ZRANB3: variants seen among roughly 807,000 people sequenced by gnomAD.
The protein encoded by ZRANB3 is DNA annealing helicase and endonuclease ZRANB3.
Under a neutral mutation model 133.8 loss-of-function variants are expected in ZRANB3, and 125 were observed. That is an observed-to-expected ratio of 0.93 (90% CI 0.81 to 1.08). ZRANB3 has a LOEUF of 1.08. Among genes scored for constraint, ZRANB3 ranks in the 50% least tolerant of loss-of-function variants. The probability of loss-of-function intolerance (pLI) is 0.00; values close to 1 mark genes in which losing one functional copy is unlikely to be tolerated. For synonymous variants in ZRANB3, 387 were observed against 432.7 expected, an observed-to-expected ratio of 0.89 and a Z score of 1.31; for missense variants, 1,229 against 1,275.5, an observed-to-expected ratio of 0.96 and a Z score of 0.56.
intron 2 of ZRANB3, among the ~76,000 whole-genome samples, chr2:135,412,640 G>A (rs1688359724): frequency 6.6e-6 from 1 of 152,022 alleles, no homozygotes; most frequent in Non-Finnish European, 1.5e-5. Flanking sequence ...AAAAGCTAAT[G>A]TGTGAAATAA....
chr2:135,461,194 T>C (rs1455505065), intron 2 of ZRANB3, among the ~76,000 whole-genome samples: 2 of 152,226 alleles, frequency 1.3e-5, no homozygotes, highest in Non-Finnish European at 2.9e-5. Flanking sequence ...GTATACATTA[T>C]TCACATATTA....
chr2:135,261,896 A>T (rs1197933210), intron 12 of ZRANB3, among the ~76,000 whole-genome samples: 1 of 152,188 alleles, frequency 6.6e-6, no homozygotes, highest in Admixed American at 6.5e-5. Context: ...ACAGTAGCTC[A>T]TACCTGTAAT....
At chr2:135,429,375 G>T (rs562113173) in intron 2 of ZRANB3, among the ~76,000 whole-genome samples, 26 of 152,106 alleles carry the variant, frequency 1.7e-4, no homozygotes, top group Non-Finnish European at 2.8e-4. Context: ...AGACACTGGG[G>T]CCTACTTGAG....
intron 2 of ZRANB3, among the ~76,000 whole-genome samples, chr2:135,413,795 C>T (rs1688425576): frequency 6.6e-6 from 1 of 152,018 alleles, no homozygotes; most frequent in South Asian, 2.1e-4. Flanking sequence ...GAGTGGGGGC[C>T]AATATTCAAC....
chr2:135,352,489 G>C (rs1250697372), intron 4 of ZRANB3, among the ~76,000 whole-genome samples: 1 of 151,838 alleles, frequency 6.6e-6, no homozygotes, highest in Non-Finnish European at 1.5e-5. Flanking sequence ...ATAATAATTA[G>C]GATAAGATAG....
At chr2:135,240,149 C>G (rs1695489151) in intron 12 of ZRANB3, among the ~76,000 whole-genome samples, 1 of 151,714 alleles carries the variant, frequency 6.6e-6, no homozygotes, top group South Asian at 2.1e-4. Flanking sequence ...CTAGACCAGC[C>G]TAGGCAACAT....
chr2:135,510,566 T>C, intron 1 of ZRANB3: 1 of 698,422 alleles, frequency 1.4e-6, no homozygotes. Context: ...GGAGCAAGCC[T>C]TCTTCCCACT....
chr2:135,512,100 T>C (rs1315351974), intron 1 of ZRANB3, among the ~76,000 whole-genome samples: 1 of 152,200 alleles, frequency 6.6e-6, no homozygotes, highest in Non-Finnish European at 1.5e-5. Flanking sequence ...TTTAATACCA[T>C]GTTATTAAAA....
At chr2:135,343,113 G>C (rs1252274017) in intron 6 of ZRANB3, among the ~76,000 whole-genome samples, 2 of 145,670 alleles carry the variant, frequency 1.4e-5, no homozygotes, top group Non-Finnish European at 3.0e-5. Context: ...TTGAACCCGG[G>C]AGGCAGAGGT....
At chr2:135,329,782 G>T (rs1684042123) in intron 6 of ZRANB3, among the ~76,000 whole-genome samples, 1 of 152,144 alleles carries the variant, frequency 6.6e-6, no homozygotes, top group South Asian at 2.1e-4. Flanking sequence ...CACATCCTTT[G>T]TAAGTTGGAT....
At position 135,208,968 on chromosome 2, in the gene ZRANB3, T is replaced by C. The variant is rs566144005; in HGVS notation, c.2506A>G (p.Lys836Glu). 132 of 1,613,912 alleles carry C rather than the reference T, an allele frequency of 8.2e-5. No homozygotes were observed. In the South Asian group the frequency reaches 1.4e-3, roughly 17 times the overall value. Residue 836 changes from lysine (K) to glutamate (E), a missense_variant, in exon 18 of 21, where the codon AAA (lysine) becomes GAA (glutamate). By Grantham distance (56) the Lys-to-Glu change is moderately conservative. Coordinates refer to ENST00000264159, the MANE Select transcript of ZRANB3 (RefSeq NM_032143.4). ...ATTGAGGCTACGGCAACATCTTCTTTGGTTATGTATCTAAAACAATGATAT... is the reference window on the plus strand; with the variant it reads ...ATTGAGGCTACGGCAACATCTTCTTCGGTTATGTATCTAAAACAATGATAT... ...KQNCTKRYIT[K>E]EDVAVASMDK...
chr2:135,259,326 G>A (rs1679827285), intron 12 of ZRANB3, among the ~76,000 whole-genome samples: 1 of 152,074 alleles, frequency 6.6e-6, no homozygotes, highest in East Asian at 1.9e-4. Context: ...TGGCCTGAGG[G>A]CATATTTTAA....
At chr2:135,274,669 G>A (rs1011751954) in intron 9 of ZRANB3, among the ~76,000 whole-genome samples, 8 of 150,950 alleles carry the variant, frequency 5.3e-5, no homozygotes, top group Non-Finnish European at 1.2e-4. Context: ...GGTGTTTCTC[G>A]CAGAGGGGGA....
intron 15 of ZRANB3, among the ~76,000 whole-genome samples, chr2:135,220,623 G>A (rs1020600594): frequency 8.0e-5 from 12 of 149,778 alleles, no homozygotes; most frequent in Admixed American, 3.3e-4. Flanking sequence ...GCTTGAACCC[G>A]GGAGGCAGAG....
intron 8 of ZRANB3, among the ~76,000 whole-genome samples, chr2:135,279,315 T>TAG (rs1680988410): frequency 6.6e-6 from 1 of 152,186 alleles, no homozygotes; most frequent in South Asian, 2.1e-4. Flanking sequence ...TGTCTAAGTT[T>TAG]TCTAAACCAC....
chr2:135,349,755 AG>A (rs1212274578), intron 5 of ZRANB3, among the ~76,000 whole-genome samples: 2 of 151,494 alleles, frequency 1.3e-5, no homozygotes, highest in Non-Finnish European at 2.9e-5. Flanking sequence ...CTTATAATAA[AG>A]GTAAAAGCTA....
intron 12 of ZRANB3, among the ~76,000 whole-genome samples, chr2:135,239,770 C>T (rs1210281430): frequency 3.3e-5 from 5 of 151,608 alleles, no homozygotes; most frequent in South Asian, 2.1e-4. Flanking sequence ...GGGTGGATCA[C>T]GAGGTCAGGA....
rs36092486 is a variant in ZRANB3 at position 135,316,967 on chromosome 2, GAAAA to G, written c.678-1441_678-1438del. Among the ~76,000 whole-genome samples the G allele has an allele frequency of 8.3e-3, 811 of 98,122 alleles. 10 individuals carry two copies. The highest frequency in any genetic ancestry group is 0.024 in the African/African-American group (770 of 31,712). The allele number at this position is 98,122 out of a possible 152,430, so 64.4% of individuals were successfully genotyped here. The stretch of plus-strand genomic sequence containing the variant: ...GTGACAGAGCGAGATTCCGTCTCGA[GAAAA>G]AAAAAAAAAAAAATATATATATATA... On this transcript the variant is annotated intron_variant, in intron 6 of 20. Coordinates refer to ENST00000264159, the MANE Select transcript of ZRANB3 (RefSeq NM_032143.4).
chr2:135,458,717 A>G (rs927840708), intron 2 of ZRANB3, among the ~76,000 whole-genome samples: 1 of 152,132 alleles, frequency 6.6e-6, no homozygotes, highest in African/African-American at 2.4e-5. Flanking sequence ...GGAGACACAG[A>G]GATCTATTCT....
Sources: gnomAD v4.1 joint callset for allele counts (sites outside exome capture counted in the v4.1 genomes callset) on GRCh38, gnomAD v4.1.1 for gene constraint, MANE v1.5 for transcripts, NCBI Gene and HGNC (gene_info 2026-07-23, HGNC 2026-07-21) for gene names.